QTGAL: variants seen among roughly 807,000 people sequenced by gnomAD.
QTGAL encodes the protein BGnT-like protein 1.
At chr17:83,011,038 C>A in the QTGAL span, among the ~76,000 whole-genome samples, 1 of 152,234 alleles carries the variant, frequency 6.6e-6, no homozygotes, top group East Asian at 1.9e-4. Context: ...TGGAAAGGAG[C>A]TGGGTGGAGC....
chr17:82,961,850 TC>T, the QTGAL span, among the ~76,000 whole-genome samples: 1 of 152,188 alleles, frequency 6.6e-6, no homozygotes, highest in Non-Finnish European at 1.5e-5. Context: ...GGCCCTGCTT[TC>T]CCCGGCCCAT....
At chr17:83,031,820 CTG>C in the QTGAL span, among the ~76,000 whole-genome samples, 15 of 152,254 alleles carry the variant, frequency 9.9e-5, no homozygotes, top group Non-Finnish European at 1.3e-4. Context: ...ATCTGTTCGA[CTG>C]TAACGCCCTC....
the QTGAL span, among the ~76,000 whole-genome samples, chr17:83,003,192 C>T: frequency 1.3e-4 from 4 of 31,960 alleles, no homozygotes; most frequent in East Asian, 3.5e-3. Context: ...CCGCCCTCCG[C>T]GTGTGGGATT....
chr17:82,974,991 C>T, the QTGAL span, among the ~76,000 whole-genome samples: 1 of 110,046 alleles, frequency 9.1e-6, no homozygotes, highest in East Asian at 2.8e-4. Flanking sequence ...GGCCCCGGGA[C>T]AGAGCCGGAC....
chr17:82,967,529 G>C, the QTGAL span, among the ~76,000 whole-genome samples: 1 of 152,074 alleles, frequency 6.6e-6, no homozygotes, highest in Admixed American at 6.6e-5. Flanking sequence ...GGAGACATTC[G>C]GGGCTGTCAC....
At chr17:82,957,442 G>T in the QTGAL span, 1 of 1,611,640 alleles carries the variant, frequency 6.2e-7, no homozygotes, top group Non-Finnish European at 8.5e-7. Context: ...GCCGCCCAGC[G>T]GGGCAGGGCC....
the QTGAL span, among the ~76,000 whole-genome samples, chr17:82,954,684 G>C: frequency 2.0e-5 from 3 of 152,052 alleles, no homozygotes; most frequent in African/African-American, 7.2e-5. Context: ...GACAATCCTA[G>C]GCAAAAAGAA....
chr17:83,008,916 G>A, the QTGAL span, among the ~76,000 whole-genome samples: 1 of 152,210 alleles, frequency 6.6e-6, no homozygotes, highest in Non-Finnish European at 1.5e-5. Context: ...CCAGAGGTGA[G>A]GATGCCTGCG....
At chr17:82,946,169 T>TA in the QTGAL span, among the ~76,000 whole-genome samples, 5 of 151,824 alleles carry the variant, frequency 3.3e-5, no homozygotes, top group Non-Finnish European at 5.9e-5. Context: ...GGAACAAGAA[T>TA]AAAAAATACA....
the QTGAL span, chr17:82,942,573 A>C: frequency 6.7e-7 from 1 of 1,491,342 alleles, no homozygotes. Context: ...GTTGAAGGGT[A>C]GCGCTGGCCC....
At chr17:83,039,936 G>C in the QTGAL span, among the ~76,000 whole-genome samples, 2 of 152,142 alleles carry the variant, frequency 1.3e-5, no homozygotes, top group East Asian at 3.9e-4. Flanking sequence ...CCCAACAGAG[G>C]ACTTAACTCC....
the QTGAL span, among the ~76,000 whole-genome samples, chr17:82,995,064 A>T: frequency 6.6e-6 from 1 of 152,254 alleles, no homozygotes; most frequent in Non-Finnish European, 1.5e-5. Context: ...CATATACAAA[A>T]GATCCACAAT....
the QTGAL span, among the ~76,000 whole-genome samples, chr17:83,017,156 A>G: frequency 6.6e-6 from 1 of 152,050 alleles, no homozygotes; most frequent in African/African-American, 2.4e-5. Context: ...GATCTCGTGG[A>G]GGTAGAAGGA....
the QTGAL span, among the ~76,000 whole-genome samples, chr17:83,026,953 C>T: frequency 6.6e-6 from 1 of 150,540 alleles, no homozygotes; most frequent in Non-Finnish European, 1.5e-5. Context: ...TCGACAGACA[C>T]ACAGAGCGGG....
At chr17:83,014,463 G>A in the QTGAL span, 1 of 1,614,092 alleles carries the variant, frequency 6.2e-7, no homozygotes, top group Non-Finnish European at 8.5e-7. Flanking sequence ...CGCTCGACGG[G>A]TGCTGAACGG....
chr17:83,000,974 C>A, the QTGAL span, among the ~76,000 whole-genome samples: 2 of 152,172 alleles, frequency 1.3e-5, no homozygotes, highest in African/African-American at 4.8e-5. Flanking sequence ...CCGGGATGGA[C>A]AGGAGGAAAC....
the QTGAL span, among the ~76,000 whole-genome samples, chr17:83,018,706 C>T: frequency 4.6e-5 from 7 of 152,216 alleles, no homozygotes; most frequent in African/African-American, 1.2e-4. Flanking sequence ...CGCAATGGGC[C>T]GGGCTCCTGG....
At chr17:82,967,562 G>A in the QTGAL span, among the ~76,000 whole-genome samples, 3 of 152,080 alleles carry the variant, frequency 2.0e-5, no homozygotes, top group African/African-American at 4.8e-5. Context: ...GGGGTGCTAC[G>A]TGCATCTGGT....
At chr17:83,048,236 C>T in the QTGAL span, among the ~76,000 whole-genome samples, 3 of 152,188 alleles carry the variant, frequency 2.0e-5, no homozygotes, top group African/African-American at 7.2e-5. Flanking sequence ...CCATGTTGGC[C>T]ACGCTGGTCT....
Sources: allele counts gnomAD v4.1 joint callset (sites outside exome capture counted in the v4.1 genomes callset), GRCh38; gene constraint gnomAD v4.1.1; transcripts MANE v1.5; gene names NCBI Gene and HGNC (gene_info 2026-07-23, HGNC 2026-07-21).